The following DLG2 variants were observed in gnomAD, a reference collection of about 807,000 sequenced individuals.
DLG2 encodes the protein discs large MAGUK scaffold protein 2, also known as disks large homolog 2.
DLG2 carries 45 observed loss-of-function variants against 132.5 expected under a neutral mutation model. The observed-to-expected ratio is 0.34, with a 90% CI of 0.27 to 0.44. The LOEUF (loss-of-function observed/expected upper bound fraction) is 0.44. Ranked by LOEUF, DLG2 falls within the 20% of genes least tolerant of loss-of-function variation. The probability of loss-of-function intolerance (pLI) is 1.00; values close to 1 mark genes in which losing one functional copy is unlikely to be tolerated. For synonymous variants in DLG2, 424 were observed against 419.6 expected, an observed-to-expected ratio of 1.01 and a Z score of -0.13; for missense variants, 1,045 against 1,196.9, an observed-to-expected ratio of 0.87 and a Z score of 1.87.
chr11:84,746,861 A>G (rs1375238675), intron 6 of DLG2, among the ~76,000 whole-genome samples: 1 of 152,142 alleles, frequency 6.6e-6, no homozygotes, highest in African/African-American at 2.4e-5. Flanking sequence ...TCAGGAAGGT[A>G]GTAAGATAAC....
intron 6 of DLG2, among the ~76,000 whole-genome samples, chr11:84,727,467 T>C (rs1198203758): frequency 1.3e-5 from 2 of 152,038 alleles, no homozygotes; most frequent in East Asian, 3.9e-4. Context: ...CTGTTTTGCT[T>C]CCAGTACCAT....
intron 7 of DLG2, among the ~76,000 whole-genome samples, chr11:84,365,967 A>C (rs1229248148): frequency 6.6e-6 from 1 of 152,040 alleles, no homozygotes; most frequent in Non-Finnish European, 1.5e-5. Flanking sequence ...AGAGAATGCC[A>C]CAGAGATACT....
At chr11:85,266,027 CT>C (rs1241412681) in intron 4 of DLG2, among the ~76,000 whole-genome samples, 4 of 152,230 alleles carry the variant, frequency 2.6e-5, no homozygotes, top group Non-Finnish European at 5.9e-5. Context: ...CACACTGGCC[CT>C]TTGCTCTCAC....
intron 8 of DLG2, chr11:84,167,051 T>C (rs1310671535): frequency 1.9e-6 from 1 of 527,080 alleles, no homozygotes; most frequent in Non-Finnish European, 3.9e-6. Flanking sequence ...TGTCACAGCC[T>C]CCTCTCTACT....
chr11:85,306,788 G>T (rs760981315), intron 3 of DLG2, among the ~76,000 whole-genome samples: 1 of 152,090 alleles, frequency 6.6e-6, no homozygotes, highest in African/African-American at 2.4e-5. Context: ...GAGCCAGGAT[G>T]GTCTCAATCT....
intron 7 of DLG2, among the ~76,000 whole-genome samples, chr11:84,507,045 A>C (rs933739331): frequency 6.6e-6 from 1 of 152,208 alleles, no homozygotes; most frequent in Non-Finnish European, 1.5e-5. Flanking sequence ...TGAAAAGATA[A>C]ATTTGCCAAT....
chr11:84,053,061 C>T (rs1052598848), intron 11 of DLG2, among the ~76,000 whole-genome samples: 8 of 152,014 alleles, frequency 5.3e-5, no homozygotes, highest in African/African-American at 9.7e-5. Context: ...GGTATATATA[C>T]ACCATGGAAT....
At chr11:85,074,256 G>T (rs1359675714) in intron 6 of DLG2, among the ~76,000 whole-genome samples, 4 of 151,792 alleles carry the variant, frequency 2.6e-5, no homozygotes, top group Non-Finnish European at 5.9e-5. Context: ...ATTTTTTTAA[G>T]GTAGAATCTT....
chr11:84,898,376 C>T (rs1307941260), intron 6 of DLG2, among the ~76,000 whole-genome samples: 1 of 151,834 alleles, frequency 6.6e-6, no homozygotes, highest in Non-Finnish European at 1.5e-5. Flanking sequence ...ATAAACCATG[C>T]TTTTTTCGTT....
intron 17 of DLG2, among the ~76,000 whole-genome samples, chr11:83,818,917 G>A (rs1421319304): frequency 2.0e-5 from 3 of 152,074 alleles, no homozygotes; most frequent in South Asian, 2.1e-4. Flanking sequence ...GATACCTGAC[G>A]TTCATTTTTA....
intron 6 of DLG2, chr11:84,923,577 G>T: frequency 1.0e-6 from 1 of 993,274 alleles, no homozygotes; most frequent in Non-Finnish European, 1.2e-6. Flanking sequence ...GGATCGCATC[G>T]CAGACTGTAA....
intron 3 of DLG2, among the ~76,000 whole-genome samples, chr11:85,343,666 A>T (rs551980166): frequency 6.6e-6 from 1 of 151,498 alleles, no homozygotes; most frequent in East Asian, 2.0e-4. Flanking sequence ...GCACATACAT[A>T]CACACACACA....
intron 7 of DLG2, among the ~76,000 whole-genome samples, chr11:84,447,557 T>C (rs184050195): frequency 1.8e-3 from 276 of 152,294 alleles, no homozygotes; most frequent in African/African-American, 5.9e-3. Flanking sequence ...GTAAAAATAT[T>C]TCATAAATTT....
At chr11:85,321,990 G>T (rs915247557) in intron 3 of DLG2, among the ~76,000 whole-genome samples, 1 of 151,980 alleles carries the variant, frequency 6.6e-6, no homozygotes, top group African/African-American at 2.4e-5. Context: ...AATCAACCAG[G>T]AAATGTGTGG....
chr11:85,478,473 A>G (rs1380876666), intron 3 of DLG2, among the ~76,000 whole-genome samples: 2 of 152,184 alleles, frequency 1.3e-5, no homozygotes, highest in African/African-American at 2.4e-5. Context: ...TGAACCTACT[A>G]TGTTATCATT....
chr11:85,095,966 TC>T (rs2069663115), intron 6 of DLG2, among the ~76,000 whole-genome samples: 1 of 152,218 alleles, frequency 6.6e-6, no homozygotes, highest in Non-Finnish European at 1.5e-5. Context: ...TGGAGAACCT[TC>T]GTGTCTAGCT....
intron 7 of DLG2, among the ~76,000 whole-genome samples, chr11:84,506,497 A>G (rs540189195): frequency 3.3e-4 from 51 of 152,272 alleles, no homozygotes; most frequent in African/African-American, 1.2e-3. Flanking sequence ...TTAAAGATGG[A>G]CAAAGAGGCC....
intron 6 of DLG2, among the ~76,000 whole-genome samples, chr11:85,081,042 AT>A (rs1160278509): frequency 1.3e-5 from 2 of 152,144 alleles, no homozygotes; most frequent in Non-Finnish European, 2.9e-5. Flanking sequence ...AGTTTAGTTG[AT>A]TTTTTTATAA....
chr11:83,692,732 G>A (rs2153624957), intron 18 of DLG2, among the ~76,000 whole-genome samples: 1 of 152,280 alleles, frequency 6.6e-6, no homozygotes. Context: ...ACTACTTTGA[G>A]GCAGAGACTA....
Sources: allele counts gnomAD v4.1 joint callset (sites outside exome capture counted in the v4.1 genomes callset), GRCh38; gene constraint gnomAD v4.1.1; transcripts MANE v1.5; gene names NCBI Gene and HGNC (gene_info 2026-07-23, HGNC 2026-07-21).